The following FHIP1A variants were observed in gnomAD, a reference collection of about 807,000 sequenced individuals.
The protein encoded by FHIP1A is FHF complex subunit HOOK-interacting protein 1A.
In FHIP1A, 61 loss-of-function variants were observed where a neutral mutation model predicts 88.6. That is an observed-to-expected ratio of 0.69 (90% CI 0.56 to 0.85). The LOEUF (loss-of-function observed/expected upper bound fraction) is 0.85. FHIP1A is among the 40% of genes least tolerant of loss of function. The probability of loss-of-function intolerance (pLI) is 0.00; values close to 1 mark genes in which losing one functional copy is unlikely to be tolerated. For synonymous variants in FHIP1A, 478 were observed against 496.0 expected, an observed-to-expected ratio of 0.96 and a Z score of 0.48; for missense variants, 1,154 against 1,273.5, an observed-to-expected ratio of 0.91 and a Z score of 1.43.
chr4:151,509,487 A>G (rs1048808602), intron 3 of FHIP1A, among the ~76,000 whole-genome samples: 4 of 152,160 alleles, frequency 2.6e-5, no homozygotes, highest in African/African-American at 7.2e-5. Context: ...TTCCTGGGGT[A>G]GTGAGCCAGG....
intron 3 of FHIP1A, among the ~76,000 whole-genome samples, chr4:151,561,526 C>T (rs1268619209): frequency 6.6e-6 from 1 of 152,144 alleles, no homozygotes; most frequent in Non-Finnish European, 1.5e-5. Flanking sequence ...GAAACACCCT[C>T]CTCAATACTG....
chr4:151,479,342 T>C (rs976184642), intron 2 of FHIP1A, among the ~76,000 whole-genome samples: 2 of 152,048 alleles, frequency 1.3e-5, no homozygotes, highest in African/African-American at 4.8e-5. Context: ...AAGTGATAAG[T>C]ATGGGTCCAT....
At chr4:151,544,590 C>A (rs577041763) in intron 3 of FHIP1A, among the ~76,000 whole-genome samples, 1 of 152,054 alleles carries the variant, frequency 6.6e-6, no homozygotes, top group Non-Finnish European at 1.5e-5. Flanking sequence ...CCTCACAGAC[C>A]GAGACCTCAG....
chr4:151,646,486 A>G lies in FHIP1A; in HGVS notation c.1227-72A>G. The G allele has an allele frequency of 8.5e-6, 9 of 1,058,468 alleles. No individual in the cohort carries two copies. In the South Asian group the frequency reaches 1.3e-4, roughly 16 times the overall value. The allele number at this position is 1,058,468 out of a possible 1,614,324, so 65.6% of individuals were successfully genotyped here. On this transcript the variant is annotated intron_variant, in intron 9 of 13. Coordinates refer to ENST00000435205, the MANE Select transcript of FHIP1A (RefSeq NM_001109977.3). ...CCCCTGGCCACAAGGAGTCCCTGTT[A>G]TGGTTTAGTTAGTCCCAGTAATGGT...
At chr4:151,636,095 C>T (rs982256594) in intron 8 of FHIP1A, among the ~76,000 whole-genome samples, 10 of 151,786 alleles carry the variant, frequency 6.6e-5, no homozygotes, top group Admixed American at 2.6e-4. Context: ...CAAATGAAAT[C>T]TAGAATAAAT....
chr4:151,598,148 C>T (rs1734721835), intron 7 of FHIP1A, among the ~76,000 whole-genome samples: 1 of 152,152 alleles, frequency 6.6e-6, no homozygotes, highest in African/African-American at 2.4e-5. Flanking sequence ...TGCTGGAAAC[C>T]CAGGGCCTTG....
At chr4:151,544,776 GT>G (rs1437283284) in intron 3 of FHIP1A, among the ~76,000 whole-genome samples, 1 of 152,186 alleles carries the variant, frequency 6.6e-6, no homozygotes, top group African/African-American at 2.4e-5. Flanking sequence ...TCTGGAACCA[GT>G]TCTCTGAGCT....
intron 3 of FHIP1A, among the ~76,000 whole-genome samples, chr4:151,542,446 A>T (rs898557957): frequency 3.3e-5 from 5 of 151,806 alleles, no homozygotes; most frequent in African/African-American, 4.8e-5. Context: ...CCCACTCTAT[A>T]TTCTCTTTGC....
chr4:151,612,035 A>G (rs1464429367), intron 7 of FHIP1A, among the ~76,000 whole-genome samples: 1 of 152,170 alleles, frequency 6.6e-6, no homozygotes, highest in Non-Finnish European at 1.5e-5. Flanking sequence ...AATTCCAGAG[A>G]TTATCTAGTT....
At chr4:151,531,446 G>A (rs564443043) in intron 3 of FHIP1A, among the ~76,000 whole-genome samples, 4 of 150,162 alleles carry the variant, frequency 2.7e-5, no homozygotes, top group African/African-American at 4.9e-5. Flanking sequence ...ACTACTGTGC[G>A]TATTTTTTCA....
intron 5 of FHIP1A, among the ~76,000 whole-genome samples, chr4:151,584,891 T>G (rs1734151789): frequency 6.6e-6 from 1 of 152,108 alleles, no homozygotes; most frequent in Non-Finnish European, 1.5e-5. Context: ...TACGTACTCT[T>G]CACCAGCTTA....
At chr4:151,448,673 G>A (rs1318752361) in intron 1 of FHIP1A, among the ~76,000 whole-genome samples, 2 of 152,178 alleles carry the variant, frequency 1.3e-5, no homozygotes, top group Non-Finnish European at 2.9e-5. Context: ...TCCAGTGTAT[G>A]TGTATATTCC....
intron 11 of FHIP1A, among the ~76,000 whole-genome samples, chr4:151,654,169 A>G (rs542377062): frequency 6.6e-6 from 1 of 152,016 alleles, no homozygotes; most frequent in African/African-American, 2.4e-5. Context: ...GTGATGAGTC[A>G]TTTCATTAGC....
At chr4:151,592,471 G>A (rs372275559) in intron 7 of FHIP1A, among the ~76,000 whole-genome samples, 2 of 152,132 alleles carry the variant, frequency 1.3e-5, no homozygotes, top group South Asian at 2.1e-4. Context: ...TCTAACTGGC[G>A]TGACATGGTA....
chr4:151,515,840 G>C (rs976453886), intron 3 of FHIP1A, among the ~76,000 whole-genome samples: 24 of 152,144 alleles, frequency 1.6e-4, no homozygotes, highest in Admixed American at 1.4e-3. Flanking sequence ...CTCATGGGTA[G>C]GAAGAATCAA....
intron 2 of FHIP1A, among the ~76,000 whole-genome samples, chr4:151,469,479 A>G (rs1729437056): frequency 6.6e-6 from 1 of 152,184 alleles, no homozygotes; most frequent in Admixed American, 6.5e-5. Context: ...AGGTGATGAC[A>G]CTAAGGCTTA....
At chr4:151,527,707 G>A (rs1021575083) in intron 3 of FHIP1A, among the ~76,000 whole-genome samples, 1 of 152,130 alleles carries the variant, frequency 6.6e-6, no homozygotes, top group East Asian at 1.9e-4. Context: ...ATAATTAAAA[G>A]GTGAATTTCT....
chr4:151,452,936 G>GTATATA lies in FHIP1A; in HGVS notation c.-355-1754_-355-1749dup, dbSNP rs111734450. 3.7e-3 allele frequency among the ~76,000 whole-genome samples: 534 copies of GTATATA among 146,164 alleles called. 1 individual carries two copies. The highest frequency in any genetic ancestry group is 0.011 in the East Asian group (55 of 5,058). On this transcript the variant is annotated intron_variant, in intron 1 of 13. Coordinates refer to ENST00000435205, the MANE Select transcript of FHIP1A (RefSeq NM_001109977.3). ...TTCCTATGTCTGCAGACATTGAAAC[G>GTATATA]TATATATATATATATACATACACAC...
At chr4:151,495,375 G>T (rs745994589) in intron 3 of FHIP1A, among the ~76,000 whole-genome samples, 6 of 151,804 alleles carry the variant, frequency 4.0e-5, no homozygotes, top group Admixed American at 3.3e-4. Flanking sequence ...GGTAGCACGC[G>T]CCTGTAGTCC....
Sources: gnomAD v4.1 joint callset for allele counts (sites outside exome capture counted in the v4.1 genomes callset) on GRCh38, gnomAD v4.1.1 for gene constraint, MANE v1.5 for transcripts, NCBI Gene and HGNC (gene_info 2026-07-23, HGNC 2026-07-21) for gene names.